KCNH7: variants seen among roughly 807,000 people sequenced by gnomAD.
KCNH7 encodes the protein potassium voltage-gated channel subfamily H member 7.
Under a neutral mutation model 120.8 loss-of-function variants are expected in KCNH7, and 49 were observed. The ratio of observed to expected loss-of-function variants is 0.41; its 90% CI spans 0.32 to 0.51. The LOEUF is 0.51. Ranked by LOEUF, KCNH7 falls within the 20% of genes least tolerant of loss-of-function variation. The probability of loss-of-function intolerance (pLI) is 0.38; values close to 1 mark genes in which losing one functional copy is unlikely to be tolerated. For missense variants in KCNH7, 1,097 were observed against 1,446.6 expected, an observed-to-expected ratio of 0.76 and a Z score of 3.92; for synonymous variants, 547 against 516.1, an observed-to-expected ratio of 1.06 and a Z score of -0.81.
At chr2:162,640,928 A>G (rs1385941571) in intron 2 of KCNH7, among the ~76,000 whole-genome samples, 1 of 152,168 alleles carries the variant, frequency 6.6e-6, no homozygotes, top group Non-Finnish European at 1.5e-5. Flanking sequence ...ACATGAAAAA[A>G]GTTCCACCTC....
chr2:162,661,007 C>G (rs1276707690), intron 2 of KCNH7, among the ~76,000 whole-genome samples: 1 of 152,102 alleles, frequency 6.6e-6, no homozygotes, highest in Non-Finnish European at 1.5e-5. Context: ...AGGAATCTAT[C>G]TTACAGTAAC....
rs538398119 is a variant in KCNH7 at position 162,585,872 on chromosome 2, T to C, written c.308-48792A>G. 3.9e-5 allele frequency among the ~76,000 whole-genome samples: 6 copies of C among 152,128 alleles called. No individual in the cohort carries two copies. In the South Asian group the frequency reaches 1.2e-3, roughly 32 times the overall value. On this transcript the variant is annotated intron_variant, in intron 2 of 15. Transcript: ENST00000332142. ...TAAAATGAATAAATCATATATATTA[T>C]ACAGAAATGCAATAAATGTGTGAAC...
At chr2:162,744,568 C>CT (rs144013923) in intron 2 of KCNH7, among the ~76,000 whole-genome samples, 8,685 of 115,220 alleles carry the variant, frequency 0.075, 651 homozygotes, top group Admixed American at 0.18. Flanking sequence ...ATTCACAGAA[C>CT]TTTTTTTTTT....
chr2:162,497,344 C>T (rs780638437), intron 6 of KCNH7, among the ~76,000 whole-genome samples: 9 of 152,044 alleles, frequency 5.9e-5, no homozygotes, highest in Admixed American at 1.3e-4. Context: ...GTGCAGCATA[C>T]GACCAACAAA....
At chr2:162,550,796 G>A (rs114505103) in intron 2 of KCNH7, among the ~76,000 whole-genome samples, 1 of 151,816 alleles carries the variant, frequency 6.6e-6, no homozygotes. Flanking sequence ...CAGGCATTCC[G>A]TATTTAAAGA....
At chr2:162,504,171 C>T (rs1355824300) in intron 6 of KCNH7, among the ~76,000 whole-genome samples, 3 of 151,982 alleles carry the variant, frequency 2.0e-5, no homozygotes, top group East Asian at 1.9e-4. Flanking sequence ...TGTCCAAACA[C>T]GACGAATAGC....
intron 9 of KCNH7, among the ~76,000 whole-genome samples, chr2:162,402,131 C>G (rs1463141439): frequency 1.3e-5 from 2 of 151,400 alleles, no homozygotes; most frequent in Non-Finnish European, 3.0e-5. Flanking sequence ...TGGACTCCTT[C>G]CAGGTTCCCT....
In KCNH7 at chr2:162,422,434, G is replaced by A. The variant is rs184040635; in HGVS notation, c.2154+902C>T. Among the ~76,000 whole-genome samples, 388 of 152,186 alleles carry A rather than the reference G, an allele frequency of 2.5e-3. 2 individuals are homozygous for A. Among genetic ancestry groups the A allele is most frequent in the African/African-American group, 8.8e-3 (367 of 41,530 alleles). ...TTTCTTAGAAATTCTTAGAAACAGG[G>A]TCCTTGCCCAGTGGAGGAGTAGCCA... On this transcript the variant is annotated intron_variant, in intron 9 of 15. Coordinates refer to ENST00000332142, the MANE Select transcript of KCNH7 (RefSeq NM_033272.4).
chr2:162,660,788 C>A (rs13390287), intron 2 of KCNH7, among the ~76,000 whole-genome samples: 6,107 of 152,192 alleles, frequency 0.04, 409 homozygotes, highest in African/African-American at 0.13. Context: ...TGTGTTAAAT[C>A]TAACACAACC....
intron 12 of KCNH7, among the ~76,000 whole-genome samples, chr2:162,386,202 C>A (rs1295530289): frequency 6.6e-6 from 1 of 151,822 alleles, no homozygotes; most frequent in Non-Finnish European, 1.5e-5. Context: ...CCTACTCAAT[C>A]ACTAATCTAA....
chr2:162,479,609 T>C (rs1689857932), intron 6 of KCNH7, among the ~76,000 whole-genome samples: 1 of 152,068 alleles, frequency 6.6e-6, no homozygotes, highest in South Asian at 2.1e-4. Flanking sequence ...ATAAATGATG[T>C]CTCCTAAGAT....
intron 2 of KCNH7, among the ~76,000 whole-genome samples, chr2:162,691,493 T>A (rs1686100395): frequency 6.6e-6 from 1 of 152,110 alleles, no homozygotes; most frequent in African/African-American, 2.4e-5. Context: ...ACGAAAAATT[T>A]TATAGTAGCA....
intron 2 of KCNH7, among the ~76,000 whole-genome samples, chr2:162,616,772 A>G (rs1263162186): frequency 1.3e-5 from 2 of 152,222 alleles, no homozygotes; most frequent in Non-Finnish European, 2.9e-5. Flanking sequence ...GAAAATGTAT[A>G]ATGATAGAAA....
At chr2:162,388,359 A>AACAC (rs112497083) in intron 12 of KCNH7, among the ~76,000 whole-genome samples, 19 of 149,050 alleles carry the variant, frequency 1.3e-4, no homozygotes, top group Admixed American at 2.0e-4. Context: ...TCCCCACATA[A>AACAC]ACACACACAC....
intron 2 of KCNH7, among the ~76,000 whole-genome samples, chr2:162,552,901 T>G (rs1236661120): frequency 6.6e-6 from 1 of 152,152 alleles, no homozygotes; most frequent in African/African-American, 2.4e-5. Flanking sequence ...CCTGCTACAG[T>G]CACAACTTGA....
At chr2:162,424,263 A>G (rs574350806) in intron 8 of KCNH7, among the ~76,000 whole-genome samples, 1 of 152,316 alleles carries the variant, frequency 6.6e-6, no homozygotes, top group Non-Finnish European at 1.5e-5. Context: ...AGAAACCGCT[A>G]TGAGATCCCT....
At chr2:162,483,451 G>C (rs1420103346) in intron 6 of KCNH7, among the ~76,000 whole-genome samples, 1 of 151,902 alleles carries the variant, frequency 6.6e-6, no homozygotes, top group African/African-American at 2.4e-5. Context: ...CTGCAGTGTG[G>C]AACTACCATT....
intron 2 of KCNH7, among the ~76,000 whole-genome samples, chr2:162,717,253 G>A (rs1687155937): frequency 6.6e-6 from 1 of 152,112 alleles, no homozygotes; most frequent in African/African-American, 2.4e-5. Flanking sequence ...TGCCATGCAT[G>A]TTATTTAATT....
At chr2:162,415,697 A>G (rs13022749) in intron 9 of KCNH7, among the ~76,000 whole-genome samples, 1 of 151,854 alleles carries the variant, frequency 6.6e-6, no homozygotes, top group Admixed American at 6.6e-5. Context: ...CAATTTTTTT[A>G]AAAAAATTTA....
Sources: allele counts gnomAD v4.1 joint callset (sites outside exome capture counted in the v4.1 genomes callset), GRCh38; gene constraint gnomAD v4.1.1; transcripts MANE v1.5; gene names NCBI Gene and HGNC (gene_info 2026-07-23, HGNC 2026-07-21).